The following CCDC15 variants were observed in gnomAD, a reference collection of about 807,000 sequenced individuals.
The protein encoded by CCDC15 is coiled-coil domain containing 15, also known as coiled-coil domain-containing protein 15.
Under a neutral mutation model 114.5 loss-of-function variants are expected in CCDC15, and 105 were observed. The ratio of observed to expected loss-of-function variants is 0.92; its 90% CI spans 0.78 to 1.08. The LOEUF is 1.08. Ranked by LOEUF, CCDC15 falls within the 50% of genes least tolerant of loss-of-function variation. The pLI, the probability that CCDC15 is intolerant of heterozygous loss-of-function variation, is 0.00. For missense variants in CCDC15, 1,105 were observed against 1,093.6 expected (o/e 1.01, Z -0.15); for synonymous variants, 334 against 377.8 (o/e 0.88, Z 1.34).
At chr11:124,954,976 C>A in intron 2 of CCDC15, 67 bp downstream of exon 2, 1 of 1,418,234 alleles carries the variant, frequency 7.1e-7, no homozygotes, top group Non-Finnish European at 9.8e-7. Flanking sequence ...CTTCTCTAAT[C>A]CTGGGTGCTT....
intron 11 of CCDC15, among the ~76,000 whole-genome samples, chr11:124,998,313 C>T (rs960056990): frequency 1.6e-4 from 25 of 152,126 alleles, no homozygotes; most frequent in African/African-American, 5.8e-4. Context: ...TCCTTATAGT[C>T]AGTGTTTAAA....
intron 2 of CCDC15, among the ~76,000 whole-genome samples, chr11:124,955,357 T>C (rs1947530677): frequency 6.6e-6 from 1 of 152,174 alleles, no homozygotes; most frequent in Admixed American, 6.5e-5. Flanking sequence ...AATGGAGTAA[T>C]AGAATAAAGG....
intron 11 of CCDC15, among the ~76,000 whole-genome samples, chr11:124,994,915 G>A (rs1948337894): frequency 2.0e-5 from 3 of 152,202 alleles, no homozygotes; most frequent in Admixed American, 2.0e-4. Flanking sequence ...GTTAGGCTGT[G>A]TGAGAGACTG....
chr11:124,987,376 A>C lies in CCDC15; in HGVS notation c.1150A>C (p.Ile384Leu). ...GQAIEPEGQP[I>L]KTETQGIMLK... The stretch of plus-strand genomic sequence containing the variant: ...GGCCATTGAGCCAGAAGGCCAGCCT[A>C]TTAAGACAGAAACTCAGGGTATTAT... The change falls in exon 8 of 16, where the codon ATT (isoleucine) becomes CTT (leucine). Residue 384 changes from isoleucine (I) to leucine (L), a missense_variant. Transcript: ENST00000344762. 1 of 1,614,036 alleles carries C rather than the reference A, an allele frequency of 6.2e-7. No homozygotes were observed. Among genetic ancestry groups the C allele is most frequent in the Non-Finnish European group, 8.5e-7 (1 of 1,179,890 alleles).
At chr11:125,019,934 T>A (rs936409253) in intron 13 of CCDC15, among the ~76,000 whole-genome samples, 1 of 2,156 alleles carries the variant, frequency 4.6e-4, no homozygotes, top group African/African-American at 2.6e-3. Flanking sequence ...TATTTGTCAT[T>A]TCTATGTGGG....
chr11:124,958,581 C>T (rs948452093), intron 2 of CCDC15, among the ~76,000 whole-genome samples: 3 of 151,928 alleles, frequency 2.0e-5, no homozygotes, highest in South Asian at 4.2e-4. Flanking sequence ...ATATCCTGTC[C>T]TCAAAGAGTT....
chr11:125,038,967 TATA>T lies in CCDC15; in HGVS notation c.2636_2638del (p.Asn879del). The T allele has an allele frequency of 3.7e-6, 6 of 1,613,552 alleles. No individual in the cohort carries two copies. Among genetic ancestry groups the T allele is most frequent in the Non-Finnish European group, 5.1e-6 (6 of 1,179,596 alleles). On this transcript the variant is annotated inframe_deletion, in exon 15 of 16. Coordinates refer to ENST00000344762, the MANE Select transcript of CCDC15 (RefSeq NM_025004.3). ...CCAAATCCAGGAGAAAATGCAGCTG[TATA>T]ATATTACTTTACCTCCACTATGCTG...
intron 4 of CCDC15, among the ~76,000 whole-genome samples, chr11:124,968,341 C>A (rs564398350): frequency 6.6e-6 from 1 of 152,322 alleles, no homozygotes; most frequent in South Asian, 2.1e-4. Context: ...ACTTTGTTTA[C>A]CTACTGAAGC....
chr11:124,991,279 C>T (rs1461291851), intron 8 of CCDC15, among the ~76,000 whole-genome samples, 182 bp from the exon 9 acceptor site: 1 of 152,128 alleles, frequency 6.6e-6, no homozygotes, highest in Non-Finnish European at 1.5e-5. Flanking sequence ...TTGAAGCTTT[C>T]AAAGGTTGTT....
intron 13 of CCDC15, among the ~76,000 whole-genome samples, chr11:125,027,763 T>G (rs1948714190): frequency 6.6e-6 from 1 of 152,108 alleles, no homozygotes; most frequent in African/African-American, 2.4e-5. Context: ...TTTTTTTTTG[T>G]TTTTGTTGCA....
intron 13 of CCDC15, among the ~76,000 whole-genome samples, chr11:125,029,674 C>T (rs1163540051): frequency 6.6e-6 from 1 of 152,164 alleles, no homozygotes; most frequent in Non-Finnish European, 1.5e-5. Flanking sequence ...CTTCTACTAC[C>T]CATTTTGTAT....
chr11:124,962,853 A>G (rs560896835), intron 4 of CCDC15, among the ~76,000 whole-genome samples: 1 of 152,052 alleles, frequency 6.6e-6, no homozygotes, highest in Non-Finnish European at 1.5e-5. Context: ...CCTGTGTCCA[A>G]GTGTTCTCAT....
intron 6 of CCDC15, 42 bp from the exon 7 acceptor site, chr11:124,986,700 T>TGTGTGCGCGCGCGCGCGCGC (rs878887902): frequency 7.7e-7 from 1 of 1,298,020 alleles, no homozygotes; most frequent in African/African-American, 1.7e-5. Context: ...TTTGTGTGTG[T>TGTGTGCGCGCGCGCGCGCGC]GCGCGCGCGC....
intron 8 of CCDC15, among the ~76,000 whole-genome samples, chr11:124,990,665 T>C (rs1027488074): frequency 1.3e-5 from 2 of 152,250 alleles, no homozygotes; most frequent in African/African-American, 4.8e-5. Flanking sequence ...ATAAACAATT[T>C]GCTGTTTCTT....
intron 11 of CCDC15, among the ~76,000 whole-genome samples, chr11:125,001,864 G>A (rs1185189941): frequency 6.6e-6 from 1 of 151,830 alleles, no homozygotes; most frequent in Non-Finnish European, 1.5e-5. Flanking sequence ...GAACATTTGT[G>A]TACAAGTTTT....
chr11:125,005,538 G>A (rs181788825), intron 13 of CCDC15, among the ~76,000 whole-genome samples: 1 of 152,164 alleles, frequency 6.6e-6, no homozygotes, highest in East Asian at 1.9e-4. Context: ...TATTAGAATT[G>A]ATGAACCTAC....
Position 124,959,277 on chromosome 11 carries a change from G to T in CCDC15, c.327+13G>T. 5 of 1,556,050 alleles carry T rather than the reference G, an allele frequency of 3.2e-6. No individual in the cohort carries two copies. The highest frequency in any genetic ancestry group is 4.3e-6 in the Non-Finnish European group (5 of 1,157,198). On this transcript the variant is annotated intron_variant, in intron 3 of 15. Coordinates refer to ENST00000344762, the MANE Select transcript of CCDC15 (RefSeq NM_025004.3). ...GTCTTATGAAAGAGTAAGTTCAAAA[G>T]TGAGCCTGAGTAAAGATTGAATGGA...
In CCDC15 at chr11:125,005,168, T is replaced by C; in HGVS notation, c.2367T>C (p.Val789=). Residue 789 remains valine (V), a synonymous_variant, in exon 13 of 16, where the codon GTT becomes GTC. Transcript: ENST00000344762. The part of the protein sequence containing the change: ...RLFMDIEREQ[V]KEQQRQKEQK... The stretch of plus-strand genomic sequence containing the variant: ...TCATGGATATTGAGAGAGAACAAGT[T>C]AAAGAACAACAAAGGCAAAAAGAAC... 3 of 1,575,834 alleles carry C rather than the reference T, an allele frequency of 1.9e-6. No individual in the cohort carries two copies. Among genetic ancestry groups the C allele is most frequent in the Non-Finnish European group, 1.7e-6 (2 of 1,156,106 alleles).
chr11:124,982,124 A>G (rs925103719), intron 6 of CCDC15, among the ~76,000 whole-genome samples: 12 of 151,706 alleles, frequency 7.9e-5, no homozygotes, highest in African/African-American at 2.9e-4. Context: ...CTGCTTTTTT[A>G]TGGTTTCCAT....
Sources: gnomAD v4.1 joint callset for allele counts (sites outside exome capture counted in the v4.1 genomes callset) on GRCh38, gnomAD v4.1.1 for gene constraint, MANE v1.5 for transcripts, NCBI Gene and HGNC (gene_info 2026-07-23, HGNC 2026-07-21) for gene names.